Variants in PCDH11Y observed in about 807,000 individuals in gnomAD.
The protein encoded by PCDH11Y is protocadherin-11 Y-linked.
For missense variants in PCDH11Y, 12 were observed against 224.8 expected, an observed-to-expected ratio of 0.05 and a Z score of 6.05; for synonymous variants, 9 against 83.6, an observed-to-expected ratio of 0.11 and a Z score of 4.87.
chrY:5,515,700 C>G, intron 3 of PCDH11Y, among the ~76,000 whole-genome samples: 4 of 33,312 alleles, frequency 1.2e-4, no homozygotes, highest in African/African-American at 4.7e-4. Context: ...ACCAAAACAA[C>G]ATGGTACTGG....
chrY:5,315,251 A>C (rs2053105972), intron 2 of PCDH11Y, among the ~76,000 whole-genome samples: 1 of 32,524 alleles, frequency 3.1e-5, no homozygotes, highest in Non-Finnish European at 7.6e-5. Flanking sequence ...CAGGCTAGAG[A>C]ACCCTTAAGT....
intron 4 of PCDH11Y, among the ~76,000 whole-genome samples, chrY:5,678,560 C>T: frequency 3.0e-5 from 1 of 32,942 alleles, no homozygotes; most frequent in African/African-American, 1.2e-4. Context: ...ACAAATAGAG[C>T]AAAGGAAGAG....
At chrY:5,232,528 C>T (rs2124653918) in intron 2 of PCDH11Y, among the ~76,000 whole-genome samples, 1 of 32,010 alleles carries the variant, frequency 3.1e-5, no homozygotes, top group Non-Finnish European at 7.6e-5. Flanking sequence ...TGACCAGTGC[C>T]TTATCCTGCT....
At chrY:5,389,474 G>A (rs112195005) in intron 2 of PCDH11Y, among the ~76,000 whole-genome samples, 1 of 30,488 alleles carries the variant, frequency 3.3e-5, no homozygotes, top group East Asian at 8.7e-4. Flanking sequence ...GAGTTAAAGA[G>A]TGTCATTTTT....
intron 4 of PCDH11Y, among the ~76,000 whole-genome samples, chrY:5,666,952 A>C (rs1246093002): frequency 4.2e-5 from 1 of 23,643 alleles, no homozygotes; most frequent in African/African-American, 1.7e-4. Flanking sequence ...TTTTTTTTTT[A>C]TTTTTTTATT....
At chrY:5,576,961 G>A (rs1602945608) in intron 3 of PCDH11Y, among the ~76,000 whole-genome samples, 6 of 32,588 alleles carry the variant, frequency 1.8e-4, no homozygotes, top group African/African-American at 7.1e-4. Context: ...TTAATAGTAT[G>A]TGAGTTCCTT....
chrY:5,595,878 G>T (rs2053466901), intron 4 of PCDH11Y, among the ~76,000 whole-genome samples: 1 of 30,270 alleles, frequency 3.3e-5, no homozygotes, highest in Non-Finnish European at 7.9e-5. Flanking sequence ...TAAATGAATA[G>T]ATGTATGTAT....
chrY:5,522,631 T>C (rs2053382534), intron 3 of PCDH11Y, among the ~76,000 whole-genome samples: 1 of 34,073 alleles, frequency 2.9e-5, no homozygotes. Flanking sequence ...TACCACACAA[T>C]ATTTAAGCTA....
At chrY:5,145,045 A>T in intron 2 of PCDH11Y, among the ~76,000 whole-genome samples, 1 of 30,276 alleles carries the variant, frequency 3.3e-5, no homozygotes, top group Non-Finnish European at 7.8e-5. Context: ...CCAGAATGTC[A>T]TATAGTTAGA....
intron 2 of PCDH11Y, among the ~76,000 whole-genome samples, chrY:5,260,723 T>C (rs2053016791): frequency 3.8e-5 from 1 of 26,193 alleles, no homozygotes; most frequent in African/African-American, 1.5e-4. Flanking sequence ...TTTAGTTCCT[T>C]TGGTGAGAAT....
chrY:5,070,251 C>G, intron 1 of PCDH11Y, among the ~76,000 whole-genome samples: 12 of 33,247 alleles, frequency 3.6e-4, no homozygotes, highest in Non-Finnish European at 7.4e-4. Context: ...AAAAAAATTT[C>G]TATGTGCATT....
At chrY:5,395,891 T>G in intron 2 of PCDH11Y, among the ~76,000 whole-genome samples, 1 of 34,467 alleles carries the variant, frequency 2.9e-5, no homozygotes, top group Non-Finnish European at 7.2e-5. Context: ...TCTGAGCAGC[T>G]AGGACTACAA....
intron 2 of PCDH11Y, among the ~76,000 whole-genome samples, chrY:5,489,163 C>T (rs2124686739): frequency 3.4e-5 from 1 of 29,007 alleles, no homozygotes; most frequent in South Asian, 8.1e-4. Context: ...CCTTATAGTA[C>T]CATGCAATTG....
intron 3 of PCDH11Y, among the ~76,000 whole-genome samples, chrY:5,514,973 C>T: frequency 3.0e-5 from 1 of 33,547 alleles, no homozygotes; most frequent in Non-Finnish European, 7.4e-5. Flanking sequence ...AACTTCTGTA[C>T]ATCTGGAATG....
chrY:5,538,096 G>T, intron 3 of PCDH11Y, among the ~76,000 whole-genome samples: 1 of 33,166 alleles, frequency 3.0e-5, no homozygotes, highest in Admixed American at 2.8e-4. Flanking sequence ...AGTGGTATCT[G>T]TGAGGGAAGT....
At chrY:5,107,987 A>C (rs2052795252), downstream of PCDH11Y, among the ~76,000 whole-genome samples, 1 of 27,964 alleles carries the variant, frequency 3.6e-5, no homozygotes, top group Non-Finnish European at 8.3e-5. Flanking sequence ...TGAACCCGGG[A>C]GGCGGAGCTT....
intron 2 of PCDH11Y, among the ~76,000 whole-genome samples, chrY:5,471,913 C>T: frequency 6.1e-5 from 2 of 32,614 alleles, no homozygotes; most frequent in Non-Finnish European, 1.5e-4. Context: ...CATTTTAATG[C>T]GCAAAATATT....
intron 2 of PCDH11Y, among the ~76,000 whole-genome samples, chrY:5,247,283 C>T (rs2052997186): frequency 5.9e-5 from 2 of 33,648 alleles, no homozygotes; most frequent in African/African-American, 2.3e-4. Flanking sequence ...GTATACAATT[C>T]TTCTCAGTGC....
chrY:5,465,096 C>A, intron 2 of PCDH11Y, among the ~76,000 whole-genome samples: 1 of 33,384 alleles, frequency 3.0e-5, no homozygotes, highest in Non-Finnish European at 7.4e-5. Flanking sequence ...TCACTGATGG[C>A]AGGTTTTGAA....
Sources: gnomAD v4.1 joint callset for allele counts (sites outside exome capture counted in the v4.1 genomes callset) on GRCh38, gnomAD v4.1.1 for gene constraint, MANE v1.5 for transcripts, NCBI Gene and HGNC (gene_info 2026-07-23, HGNC 2026-07-21) for gene names.